MDN1: variants seen among roughly 807,000 people sequenced by gnomAD.
MDN1 encodes midasin.
A neutral mutation model predicts 669.2 loss-of-function variants in MDN1; 266 were observed. The observed-to-expected ratio is 0.40, with a 90% CI of 0.36 to 0.44. The LOEUF (loss-of-function observed/expected upper bound fraction) is 0.44. Among genes scored for constraint, MDN1 ranks in the 20% least tolerant of loss-of-function variants. MDN1 has a pLI of 1.00. For missense variants in MDN1, 5,940 were observed against 6,754.0 expected (o/e 0.88, Z 4.22); for synonymous variants, 2,385 against 2,457.1 (o/e 0.97, Z 0.87).
intron 64 of MDN1, 102 bp from the exon 65 acceptor site, chr6:89,690,245 G>T: frequency 1.7e-6 from 2 of 1,211,662 alleles, no homozygotes; most frequent in Non-Finnish European, 1.2e-6. Flanking sequence ...CTGAAAAAAT[G>T]AAATAGGACT....
At chr6:89,671,346 G>A (rs1272221622) in intron 82 of MDN1, among the ~76,000 whole-genome samples, 1 of 152,114 alleles carries the variant, frequency 6.6e-6, no homozygotes, top group African/African-American at 2.4e-5. Context: ...TTTAAAAATA[G>A]AATGTTGGCC....
intron 15 of MDN1, among the ~76,000 whole-genome samples, chr6:89,765,151 G>A (rs556483461): frequency 6.6e-6 from 1 of 152,058 alleles, no homozygotes; most frequent in Non-Finnish European, 1.5e-5. Context: ...CCAGCTACTC[G>A]GGAGGCTGAG....
At chr6:89,679,299 A>T (rs1023382219) in intron 74 of MDN1, among the ~76,000 whole-genome samples, 41 of 152,170 alleles carry the variant, frequency 2.7e-4, no homozygotes, top group African/African-American at 9.7e-4. Context: ...ATGAGCCAGG[A>T]CTTGAACACT....
intron 1 of MDN1, among the ~76,000 whole-genome samples, chr6:89,803,985 T>A (rs925004021): frequency 3.6e-5 from 5 of 138,664 alleles, no homozygotes; most frequent in African/African-American, 1.3e-4. Flanking sequence ...CACTGCAACA[T>A]CCCAGGTTCA....
At position 89,692,268 on chromosome 6, in the gene MDN1, A is replaced by G. The variant is rs1812422520; in HGVS notation, c.10587+175T>C. ...TTAATCTCTTAAAAATTGAGAGGCA[A>G]AGGTCCCCAAACATGATAGTTAAAT... On this transcript the variant is annotated intron_variant, in intron 63 of 101. Coordinates refer to ENST00000369393, the MANE Select transcript of MDN1 (RefSeq NM_014611.3). Among the ~76,000 whole-genome samples the G allele has an allele frequency of 3.3e-5, 5 of 152,178 alleles. No homozygotes were observed. In the South Asian group the frequency reaches 1.0e-3, roughly 32 times the overall value.
chr6:89,814,875 C>A, intron 1 of MDN1: 2 of 496,662 alleles, frequency 4.0e-6, no homozygotes, highest in Non-Finnish European at 8.1e-6. Flanking sequence ...CGGACAGGTA[C>A]CTCCTAGAAA....
chr6:89,713,658 T>C (rs968893644), intron 46 of MDN1, among the ~76,000 whole-genome samples: 1 of 152,206 alleles, frequency 6.6e-6, no homozygotes, highest in African/African-American at 2.4e-5. Context: ...CAGGCCTATT[T>C]GCAAATTCCA....
At position 89,759,000 on chromosome 6, in the gene MDN1, T is replaced by C. The variant is rs182953228; in HGVS notation, c.2461-40A>G. ...AATAAAATGTTAACAATGTGTCAAA[T>C]AAAGGCACACTTGCCAAGAACAGTT... is the stretch of plus-strand genomic sequence containing the variant. On this transcript the variant is annotated intron_variant, in intron 17 of 101. Transcript: ENST00000369393. 1.9e-6 allele frequency: 3 copies of C among 1,588,596 alleles called. No homozygotes were observed. The Admixed American group carries it at 5.0e-5, about 27-fold the overall frequency.
chr6:89,743,004 C>T, intron 31 of MDN1, 146 bp downstream of exon 31: 1 of 928,702 alleles, frequency 1.1e-6, no homozygotes, highest in East Asian at 2.6e-5. Context: ...ATCACCTGAG[C>T]CCAGAAGTTT....
Position 89,745,641 on chromosome 6 carries a change from A to C in MDN1, c.3905-15T>G. 1 of 1,610,928 alleles carries C rather than the reference A, an allele frequency of 6.2e-7. No individual in the cohort carries two copies. The highest frequency in any genetic ancestry group is 1.7e-4 in the Middle Eastern group (1 of 5,970). On this transcript the variant is annotated splice_polypyrimidine_tract_variant and intron_variant, in intron 27 of 101. Transcript: ENST00000369393. Reference sequence around the variant, plus strand: ...AAGCATATAACCTGGGAGGAGGAGGAGGAAAAGGAGGAGAGGAATCATCAA... The same window carrying C: ...AAGCATATAACCTGGGAGGAGGAGGCGGAAAAGGAGGAGAGGAATCATCAA...
chr6:89,731,079 T>TC (rs1313219309), intron 34 of MDN1, among the ~76,000 whole-genome samples, 156 bp from the exon 35 acceptor site: 1 of 152,086 alleles, frequency 6.6e-6, no homozygotes, highest in African/African-American at 2.4e-5. Context: ...AAGAAAGAAG[T>TC]CCAACACGCA....
intron 17 of MDN1, among the ~76,000 whole-genome samples, chr6:89,761,199 T>C (rs1159974212): frequency 6.6e-6 from 1 of 152,028 alleles, no homozygotes; most frequent in Non-Finnish European, 1.5e-5. Context: ...AAGCCTTAAT[T>C]AGACAGAAAA....
At chr6:89,644,226 C>A in intron 101 of MDN1, 33 bp from the exon 102 acceptor site, 1 of 1,562,290 alleles carries the variant, frequency 6.4e-7, no homozygotes. Context: ...AATGGGGAGG[C>A]AGCGATTAAA....
intron 32 of MDN1, among the ~76,000 whole-genome samples, chr6:89,739,041 A>G (rs982831085): frequency 4.6e-5 from 7 of 152,236 alleles, no homozygotes; most frequent in African/African-American, 1.7e-4. Context: ...AATGCCACAT[A>G]AGCATCATTA....
At chr6:89,733,165 T>G (rs1815711961) in intron 33 of MDN1, among the ~76,000 whole-genome samples, 1 of 152,164 alleles carries the variant, frequency 6.6e-6, no homozygotes, top group Admixed American at 6.5e-5. Context: ...TTAAATAAAT[T>G]TATTTTTTCC....
chr6:89,740,288 T>C lies in MDN1; in HGVS notation c.4539A>G (p.Lys1513=), dbSNP rs138154790. 25 of 1,612,266 alleles carry C rather than the reference T, an allele frequency of 1.6e-5. No individual in the cohort carries two copies. The highest frequency in any genetic ancestry group is 8.4e-5 in the Admixed American group (5 of 59,446). ...TCATGGTTGCTAGAATACGAAATTT[T>C]TTCCCAGCAGTCAACAGCTCTATTT... ...DSEIELLTAG[K]KFRILATMNP... Residue 1513 remains lysine, a synonymous_variant, in exon 32 of 102, where the codon AAA becomes AAG. Coordinates refer to ENST00000369393, the MANE Select transcript of MDN1 (RefSeq NM_014611.3).
intron 73 of MDN1, among the ~76,000 whole-genome samples, chr6:89,682,699 T>TAAAAAAAAAAAAAA (rs143107841): frequency 5.2e-5 from 5 of 96,894 alleles, no homozygotes; most frequent in Non-Finnish European, 1.1e-4. Flanking sequence ...GACTCTGTCT[T>TAAAAAAAAAAAAAA]AAAAAAAAAA....
At chr6:89,743,802 T>C in intron 29 of MDN1, 88 bp from the exon 30 acceptor site, 1 of 1,428,928 alleles carries the variant, frequency 7.0e-7, no homozygotes, top group Non-Finnish European at 9.6e-7. Context: ...GAAGAACCAC[T>C]GTGGGAGTCT....
chr6:89,693,686 A>G (rs1334287383), intron 62 of MDN1, among the ~76,000 whole-genome samples: 1 of 152,012 alleles, frequency 6.6e-6, no homozygotes, highest in Non-Finnish European at 1.5e-5. Flanking sequence ...AAATCTGAAG[A>G]AAAAAAACGA....
Sources: allele counts gnomAD v4.1 joint callset (sites outside exome capture counted in the v4.1 genomes callset), GRCh38; gene constraint gnomAD v4.1.1; transcripts MANE v1.5; gene names NCBI Gene and HGNC (gene_info 2026-07-23, HGNC 2026-07-21).